CES5A: variants seen among roughly 807,000 people sequenced by gnomAD.
CES5A encodes the protein carboxylesterase 5A.
CES5A carries 67 observed loss-of-function variants against 62.9 expected under a neutral mutation model. The observed-to-expected ratio is 1.07, with a 90% CI of 0.88 to 1.31. The LOEUF (loss-of-function observed/expected upper bound fraction) is 1.31, where lower values mean the gene tolerates loss of function less well. Among genes scored for constraint, CES5A ranks in the 50% most tolerant of loss-of-function variants. The pLI is 0.00. For missense variants in CES5A, 748 were observed against 708.5 expected, an observed-to-expected ratio of 1.06 and a Z score of -0.63; for synonymous variants, 296 against 280.8, an observed-to-expected ratio of 1.05 and a Z score of -0.54.
At chr16:55,930,440 C>T (rs1038115923), upstream of CES5A, among the ~76,000 whole-genome samples, 1 of 152,286 alleles carries the variant, frequency 6.6e-6, no homozygotes, top group Non-Finnish European at 1.5e-5. Flanking sequence ...CAGATCTCCC[C>T]CAAGTGTCAC....
At chr16:55,867,267 G>A (rs1241171549) in intron 4 of CES5A, among the ~76,000 whole-genome samples, 2 of 152,202 alleles carry the variant, frequency 1.3e-5, no homozygotes, top group East Asian at 3.8e-4. Flanking sequence ...GGCACAGAGA[G>A]GTTAAACCCT....
Position 55,853,085 on chromosome 16 carries a change from A to G in CES5A, c.1126-57T>C, listed in dbSNP as rs533682267. Reference sequence around the variant, plus strand: ...GGTCAACCACAATGGCCAACACGTTAAACACTCACCTGTGCAGGTATGATT... The same window carrying G: ...GGTCAACCACAATGGCCAACACGTTGAACACTCACCTGTGCAGGTATGATT... On this transcript the variant is annotated intron_variant, in intron 9 of 12. Transcript: ENST00000290567. The G allele has an allele frequency of 1.3e-5, 20 of 1,565,390 alleles. No homozygotes were observed. The South Asian group carries it at 2.1e-4, about 17-fold the overall frequency.
At chr16:55,854,276 C>A in intron 9 of CES5A, among the ~76,000 whole-genome samples, 1 of 152,078 alleles carries the variant, frequency 6.6e-6, no homozygotes, top group Non-Finnish European at 1.5e-5. Context: ...CCTTCCATTC[C>A]TCTTGCACTT....
chr16:55,941,230 C>T (rs548514353), intron 2 of CES5A, among the ~76,000 whole-genome samples: 228 of 152,058 alleles, frequency 1.5e-3, no homozygotes, highest in Non-Finnish European at 2.2e-3. Context: ...GATGACATAG[C>T]GTTCTATACA....
intron 1 of CES5A, among the ~76,000 whole-genome samples, chr16:55,889,284 C>T (rs1391511051): frequency 6.6e-6 from 1 of 152,150 alleles, no homozygotes; most frequent in African/African-American, 2.4e-5. Flanking sequence ...TCAGTTCTGA[C>T]ACTATCTACC....
rs541149596 is a variant in CES5A, at chr16:55,884,184, A to G, written c.-255-10147T>C. ...CATTCAGCGGTTTCAAGATCTGACA[A>G]TTGCCACAGATCTGGGAACTGAGCA... On this transcript the variant is annotated intron_variant, in intron 1 of 12. Transcript: ENST00000518005. 2.0e-5 allele frequency among the ~76,000 whole-genome samples: 3 copies of G among 152,204 alleles called. No homozygotes were observed. In the East Asian group the frequency reaches 5.8e-4, roughly 29 times the overall value.
At position 55,846,587 on chromosome 16, in the gene CES5A, A is replaced by G. The variant is rs779176437; in HGVS notation, c.1592T>C (p.Leu531Pro). The G allele has an allele frequency of 5.6e-6, 9 of 1,614,066 alleles. No individual in the cohort carries two copies. The highest frequency in any genetic ancestry group is 6.8e-6 in the Non-Finnish European group (8 of 1,180,044). Residue 531 changes from leucine to proline, a missense_variant, in exon 13 of 13, where the codon CTC becomes CCC. Leu to Pro is a moderately conservative substitution (Grantham distance 98). Transcript: ENST00000290567. ...CCAAAAATCCACCCGCGGTTCTTTGAGTCTCTGTCCGAGGCTCATGTTCAA... is the reference window on the plus strand; with the variant it reads ...CCAAAAATCCACCCGCGGTTCTTTGGGTCTCTGTCCGAGGCTCATGTTCAA... Reference protein sequence around the residue: ...LDLNMSLGQRLKEPRVDFWTS... With the variant: ...LDLNMSLGQRPKEPRVDFWTS...
chr16:55,911,595 T>A lies in CES5A; in HGVS notation c.-256+13728A>T, dbSNP rs191689935. Among the ~76,000 whole-genome samples the A allele has an allele frequency of 1.3e-3, 196 of 152,328 alleles. 2 individuals carry two copies. The South Asian group carries it at 0.021, about 16-fold the overall frequency. ...GATGAAGGCACTGAGAATTTCAGTA[T>A]CCTACCTGAAGTATCATATGAGCAA... On this transcript the variant is annotated intron_variant, in intron 1 of 12. Coordinates refer to the CES5A transcript ENST00000518005.
rs551990074 is a variant in CES5A, at chr16:55,861,385, C to T, written c.915+27G>A. On this transcript the variant is annotated intron_variant, in intron 7 of 12. Coordinates refer to ENST00000290567, the MANE Select transcript of CES5A (RefSeq NM_001143685.2). ...CTCTCCGTTCGAAGGGCAAGCCTGC[C>T]CCCAAAACTGCCCCCTCTGTCCTCA... 3.7e-5 allele frequency: 50 copies of T among 1,347,754 alleles called. 1 individual carries two copies. In the South Asian group the frequency reaches 5.3e-4, roughly 14 times the overall value. 83.5% of individuals were successfully genotyped at this position (1,347,754 alleles called of 1,614,324 possible). A position where few individuals can be genotyped will look rare whatever the true frequency, so the allele number is the denominator to read the frequency against.
chr16:55,853,969 G>A (rs2033182003), intron 9 of CES5A, among the ~76,000 whole-genome samples: 1 of 152,174 alleles, frequency 6.6e-6, no homozygotes, highest in African/African-American at 2.4e-5. Flanking sequence ...CGTTTATTGG[G>A]TCCTCAGGAG....
chr16:55,929,348 A>AT (rs2034287059), upstream of CES5A, among the ~76,000 whole-genome samples: 2 of 152,168 alleles, frequency 1.3e-5, no homozygotes, highest in African/African-American at 2.4e-5. Flanking sequence ...TGCTGACAGC[A>AT]TCCCCCTCAT....
At chr16:55,923,509 G>C (rs896055716) in intron 1 of CES5A, among the ~76,000 whole-genome samples, 2 of 151,658 alleles carry the variant, frequency 1.3e-5, no homozygotes, top group Non-Finnish European at 3.0e-5. Context: ...TAAATAATGA[G>C]ATCAAAGCCA....
At chr16:55,856,104 G>A (rs532930468) in intron 9 of CES5A, among the ~76,000 whole-genome samples, 68 of 152,140 alleles carry the variant, frequency 4.5e-4, no homozygotes, top group African/African-American at 1.3e-3. Flanking sequence ...GAGGCCTCCC[G>A]AGAAGCTGAG....
At chr16:55,902,519 T>C (rs1157525342) in intron 1 of CES5A, among the ~76,000 whole-genome samples, 6 of 152,164 alleles carry the variant, frequency 3.9e-5, no homozygotes, top group African/African-American at 7.2e-5. Flanking sequence ...GTGGGAGGGA[T>C]GTGGGAGAGG....
At chr16:55,902,478 C>T (rs2034000234) in intron 1 of CES5A, among the ~76,000 whole-genome samples, 1 of 152,180 alleles carries the variant, frequency 6.6e-6, no homozygotes, top group African/African-American at 2.4e-5. Context: ...CACTTCCTAA[C>T]CATCAGGACT....
intron 1 of CES5A, among the ~76,000 whole-genome samples, chr16:55,919,410 C>T (rs982183211): frequency 8.5e-5 from 13 of 152,170 alleles, no homozygotes; most frequent in Admixed American, 5.9e-4. Flanking sequence ...CTGAGGTCTT[C>T]GCCTACCACC....
chr16:55,912,308 G>A (rs1036915628), intron 1 of CES5A, among the ~76,000 whole-genome samples: 6 of 152,228 alleles, frequency 3.9e-5, no homozygotes, highest in African/African-American at 7.2e-5. Context: ...GACGACAACA[G>A]GTCTATTTTA....
chr16:55,868,245 G>T (rs1245968116), intron 4 of CES5A, among the ~76,000 whole-genome samples: 1 of 152,220 alleles, frequency 6.6e-6, no homozygotes, highest in Admixed American at 6.5e-5. Context: ...AGAGCAGCTA[G>T]AAGTGTAATT....
chr16:55,874,660 C>A (rs939922611), intron 1 of CES5A, among the ~76,000 whole-genome samples: 27 of 152,144 alleles, frequency 1.8e-4, no homozygotes, highest in African/African-American at 6.3e-4. Flanking sequence ...CTGAAATCAA[C>A]TCGTCTACTT....
Sources: gnomAD v4.1 joint callset for allele counts (sites outside exome capture counted in the v4.1 genomes callset) on GRCh38, gnomAD v4.1.1 for gene constraint, MANE v1.5 for transcripts, NCBI Gene and HGNC (gene_info 2026-07-23, HGNC 2026-07-21) for gene names.